The following PAPSS2 variants were observed in gnomAD, a reference collection of about 807,000 sequenced individuals.
The protein encoded by PAPSS2 is bifunctional 3'-phosphoadenosine 5'-phosphosulfate synthase 2.
Under a neutral mutation model 66.5 loss-of-function variants are expected in PAPSS2, and 61 were observed. The ratio of observed to expected loss-of-function variants is 0.92; its 90% CI spans 0.75 to 1.14. PAPSS2 has a LOEUF of 1.14. Among genes scored for constraint, PAPSS2 ranks in the 50% most tolerant of loss-of-function variants. The pLI, the probability that PAPSS2 is intolerant of heterozygous loss-of-function variation, is 0.00. For synonymous variants in PAPSS2, 289 were observed against 287.5 expected (o/e 1.01, Z -0.05); for missense variants, 708 against 789.6 (o/e 0.90, Z 1.24).
intron 9 of PAPSS2, among the ~76,000 whole-genome samples, chr10:87,730,670 A>G (rs889810970): frequency 6.6e-6 from 1 of 152,224 alleles, no homozygotes; most frequent in Non-Finnish European, 1.5e-5. Context: ...TCAAAGAAAT[A>G]TATTTTGGGG....
intron 1 of PAPSS2, among the ~76,000 whole-genome samples, chr10:87,705,890 C>T (rs1376709170): frequency 3.3e-5 from 5 of 150,808 alleles, no homozygotes; most frequent in Non-Finnish European, 5.9e-5. Context: ...AGTGCCACCA[C>T]GCCCAGCTAA....
At chr10:87,732,997 C>T (rs1371441495) in intron 9 of PAPSS2, among the ~76,000 whole-genome samples, 1 of 152,204 alleles carries the variant, frequency 6.6e-6, no homozygotes, top group Non-Finnish European at 1.5e-5. Flanking sequence ...AAGATTGTCG[C>T]ATGTACCAAA....
chr10:87,728,275 G>A (rs758759805), intron 9 of PAPSS2, among the ~76,000 whole-genome samples: 1 of 152,092 alleles, frequency 6.6e-6, no homozygotes, highest in Non-Finnish European at 1.5e-5. Flanking sequence ...AGAGCAGTAG[G>A]GTGGAAATGA....
chr10:87,708,004 C>T (rs1467097182), intron 1 of PAPSS2, among the ~76,000 whole-genome samples: 1 of 152,178 alleles, frequency 6.6e-6, no homozygotes, highest in Non-Finnish European at 1.5e-5. Context: ...ATTAGAAATT[C>T]AATTACACAC....
intron 9 of PAPSS2, among the ~76,000 whole-genome samples, chr10:87,731,931 T>A (rs988265520): frequency 6.6e-6 from 1 of 152,234 alleles, no homozygotes; most frequent in Non-Finnish European, 1.5e-5. Flanking sequence ...TTATGTAAGC[T>A]TAGTTGATAA....
At chr10:87,680,811 T>G (rs917516118) in intron 1 of PAPSS2, among the ~76,000 whole-genome samples, 1 of 152,150 alleles carries the variant, frequency 6.6e-6, no homozygotes, top group African/African-American at 2.4e-5. Context: ...CCATCCTGAC[T>G]AATCTTGCCG....
At chr10:87,674,635 T>C (rs1204893792) in intron 1 of PAPSS2, among the ~76,000 whole-genome samples, 1 of 152,150 alleles carries the variant, frequency 6.6e-6, no homozygotes. Flanking sequence ...ATATCTGTGC[T>C]TTTTATAACT....
intron 1 of PAPSS2, among the ~76,000 whole-genome samples, chr10:87,675,591 T>A (rs1177643818): frequency 6.6e-6 from 1 of 152,212 alleles, no homozygotes; most frequent in East Asian, 1.9e-4. Context: ...CTGGTTAGGA[T>A]TTACTTATAC....
At chr10:87,741,015 C>T (rs188772093) in intron 9 of PAPSS2, among the ~76,000 whole-genome samples, 12 of 152,068 alleles carry the variant, frequency 7.9e-5, no homozygotes, top group East Asian at 1.9e-4. Flanking sequence ...TAGCTATAAC[C>T]CACAAAAATG....
At position 87,747,485 on chromosome 10, in the gene PAPSS2, T is replaced by G. The variant is rs960251923; in HGVS notation, c.*1515T>G. On this transcript the variant is annotated 3_prime_UTR_variant, in exon 13 of 13. Coordinates refer to ENST00000456849, the MANE Select transcript of PAPSS2 (RefSeq NM_001015880.2). ...AGTTTGTCTTTAATAGTATAGTGCC[T>G]ATACTCATGTAATCGGTTACTCACT... 6.6e-6 allele frequency: 1 copy of G among 152,434 alleles called. No homozygotes were observed. Among genetic ancestry groups the G allele is most frequent in the African/African-American group, 2.4e-5 (1 of 41,386 alleles). 9.4% of individuals were successfully genotyped at this position (152,434 alleles called of 1,614,324 possible).
intron 1 of PAPSS2, among the ~76,000 whole-genome samples, chr10:87,701,427 TC>T (rs1564716879): frequency 4.6e-5 from 6 of 129,744 alleles, no homozygotes; most frequent in East Asian, 2.3e-4. Flanking sequence ...TCTCTCTCTC[TC>T]TCTCTTTCTT....
Position 87,685,651 on chromosome 10 carries a change from T to C in PAPSS2, c.28-23545T>C, listed in dbSNP as rs114591256. Among the ~76,000 whole-genome samples the C allele has an allele frequency of 5.1e-3, 781 of 152,312 alleles. 9 individuals carry two copies. Among genetic ancestry groups the C allele is most frequent in the African/African-American group, 0.018 (739 of 41,574 alleles). On this transcript the variant is annotated intron_variant, in intron 1 of 12. Transcript: ENST00000456849. ...GTGAGCCACAATTGTACCACTGCACTCCAGCTTGAGTGACAGAGTGAGACC... is the reference window on the plus strand; with the variant it reads ...GTGAGCCACAATTGTACCACTGCACCCCAGCTTGAGTGACAGAGTGAGACC...
At chr10:87,690,988 A>T (rs1324133626) in intron 1 of PAPSS2, among the ~76,000 whole-genome samples, 1 of 152,158 alleles carries the variant, frequency 6.6e-6, no homozygotes, top group South Asian at 2.1e-4. Flanking sequence ...AAGGGAACAT[A>T]CATCCAACTG....
intron 1 of PAPSS2, among the ~76,000 whole-genome samples, chr10:87,704,587 A>G (rs1286320457): frequency 9.0e-6 from 1 of 110,514 alleles, no homozygotes. Flanking sequence ...GCATTGAGCA[A>G]TATAATTCCA....
chr10:87,708,397 C>T (rs59218852), intron 1 of PAPSS2, among the ~76,000 whole-genome samples: 2,310 of 152,266 alleles, frequency 0.015, 52 homozygotes, highest in African/African-American at 0.051. Flanking sequence ...AGGGACTTCA[C>T]TCTTGCCGTG....
intron 1 of PAPSS2, among the ~76,000 whole-genome samples, chr10:87,705,924 G>A (rs1051625087): frequency 3.3e-5 from 5 of 150,288 alleles, no homozygotes; most frequent in South Asian, 2.1e-4. Context: ...AGTAGTGATG[G>A]GGTTTCACCA....
intron 1 of PAPSS2, among the ~76,000 whole-genome samples, chr10:87,661,383 CAT>C (rs1183189450): frequency 6.6e-6 from 1 of 152,160 alleles, no homozygotes; most frequent in Admixed American, 6.5e-5. Flanking sequence ...AGCGTTGTAA[CAT>C]ATTTTTGAAA....
intron 1 of PAPSS2, among the ~76,000 whole-genome samples, chr10:87,694,640 T>C (rs1853210215): frequency 1.3e-5 from 2 of 152,234 alleles, no homozygotes; most frequent in South Asian, 2.1e-4. Flanking sequence ...GTAGAAAATA[T>C]GGCTGAAAGG....
rs1853435485 is a variant in PAPSS2, at chr10:87,709,237, C to T, written c.69C>T (p.His23=). 1.9e-6 allele frequency: 3 copies of T among 1,613,426 alleles called. No individual in the cohort carries two copies. The highest frequency in any genetic ancestry group is 1.7e-4 in the Middle Eastern group (1 of 6,058). ...QKSTNVVYQA[H]HVSRNKRGQV... The stretch of plus-strand genomic sequence containing the variant: ...CCACCAATGTAGTCTATCAGGCCCA[C>T]CATGTGAGCAGGAATAAGAGAGGGC... The change falls in exon 2 of 13, where the codon CAC becomes CAT. Residue 23 remains histidine (H), a synonymous_variant. Coordinates refer to ENST00000456849, the MANE Select transcript of PAPSS2 (RefSeq NM_001015880.2).
Sources: allele counts gnomAD v4.1 joint callset (sites outside exome capture counted in the v4.1 genomes callset), GRCh38; gene constraint gnomAD v4.1.1; transcripts MANE v1.5; gene names NCBI Gene and HGNC (gene_info 2026-07-23, HGNC 2026-07-21).